ARFIP1: variants seen among roughly 807,000 people sequenced by gnomAD.
ARFIP1 encodes the protein ARF interacting protein 1.
ARFIP1 carries 24 observed loss-of-function variants against 42.5 expected under a neutral mutation model. The ratio of observed to expected loss-of-function variants is 0.57; its 90% confidence interval spans 0.41 to 0.80. The LOEUF (loss-of-function observed/expected upper bound fraction) is 0.80. Among genes scored for constraint, ARFIP1 ranks in the 30% least tolerant of loss-of-function variants. ARFIP1 has a pLI of 0.00. For missense variants in ARFIP1, 354 were observed against 434.0 expected, an observed-to-expected ratio of 0.82 and a Z score of 1.64; for synonymous variants, 141 against 153.7, an observed-to-expected ratio of 0.92 and a Z score of 0.61.
chr4:152,867,014 G>C (rs1311961425), intron 3 of ARFIP1, among the ~76,000 whole-genome samples: 1 of 150,712 alleles, frequency 6.6e-6, no homozygotes, highest in Non-Finnish European at 1.5e-5. Context: ...TTTCCAGACT[G>C]GGCAGCCAGG....
chr4:152,892,753 G>C (rs1013127925), intron 8 of ARFIP1, among the ~76,000 whole-genome samples: 4 of 152,138 alleles, frequency 2.6e-5, no homozygotes, highest in African/African-American at 9.7e-5. Context: ...TGTTCTACTA[G>C]TTATAGTTCG....
At chr4:152,803,628 G>A (rs1041482538) in intron 1 of ARFIP1, among the ~76,000 whole-genome samples, 5 of 151,962 alleles carry the variant, frequency 3.3e-5, no homozygotes, top group Non-Finnish European at 7.4e-5. Flanking sequence ...ATTTTTGGGC[G>A]GTTGATGCCA....
At chr4:152,888,068 C>T in intron 7 of ARFIP1, 65 bp from the exon 8 acceptor site, 2 of 1,350,050 alleles carry the variant, frequency 1.5e-6, no homozygotes, top group Non-Finnish European at 2.0e-6. Context: ...TACGTATTTC[C>T]AACCCATTTT....
intron 6 of ARFIP1, 113 bp from the exon 7 acceptor site, chr4:152,882,610 C>T: frequency 9.8e-7 from 1 of 1,017,934 alleles, no homozygotes; most frequent in Non-Finnish European, 1.4e-6. Flanking sequence ...AAAACTGCTA[C>T]AGCTAGATCT....
Position 152,888,268 on chromosome 4 carries a change from T to C in ARFIP1, c.927T>C (p.Asn309=). ...AHKEKYDKMR[N]DVSVKLKFLE... ...AGGAAAAATATGATAAAATGCGCAA[T>C]GATGTTTCTGTCAAATTGAAATTTC... Residue 309 remains asparagine, a synonymous_variant, in exon 8 of 9, where the codon AAT becomes AAC. Transcript: ENST00000353617. The C allele has an allele frequency of 1.9e-6, 3 of 1,607,998 alleles. No homozygotes were observed. Among genetic ancestry groups the C allele is most frequent in the South Asian group, 1.1e-5 (1 of 90,026 alleles).
intron 1 of ARFIP1, among the ~76,000 whole-genome samples, chr4:152,781,352 C>T (rs545305951): frequency 2.0e-4 from 30 of 150,578 alleles, no homozygotes; most frequent in African/African-American, 6.8e-4. Context: ...TCTCCTGTCT[C>T]AGCCTTCTGA....
chr4:152,863,413 C>T (rs1734042481), intron 2 of ARFIP1, among the ~76,000 whole-genome samples, 193 bp from the exon 3 acceptor site: 1 of 152,108 alleles, frequency 6.6e-6, no homozygotes, highest in Non-Finnish European at 1.5e-5. Flanking sequence ...TACACAATAC[C>T]ACTTAATACA....
intron 1 of ARFIP1, among the ~76,000 whole-genome samples, chr4:152,793,138 A>G (rs1264683974): frequency 6.6e-6 from 1 of 151,948 alleles, no homozygotes; most frequent in Non-Finnish European, 1.5e-5. Context: ...AAACAGCATA[A>G]ATTATATAGG....
chr4:152,903,642 TG>T (rs1470539072), intron 8 of ARFIP1, among the ~76,000 whole-genome samples: 2 of 152,212 alleles, frequency 1.3e-5, no homozygotes, highest in Non-Finnish European at 2.9e-5. Flanking sequence ...CTTGTGTATA[TG>T]GGTATTGTAT....
At chr4:152,783,956 G>A (rs1038150928) in intron 1 of ARFIP1, among the ~76,000 whole-genome samples, 2 of 152,026 alleles carry the variant, frequency 1.3e-5, no homozygotes, top group African/African-American at 2.4e-5. Context: ...ATATGAGGAG[G>A]GGAAAATGTG....
chr4:152,855,453 G>A (rs914696117), intron 2 of ARFIP1, among the ~76,000 whole-genome samples: 1 of 152,144 alleles, frequency 6.6e-6, no homozygotes, highest in Non-Finnish European at 1.5e-5. Context: ...AGTGACTGGC[G>A]GCAGCCTAGG....
intron 2 of ARFIP1, among the ~76,000 whole-genome samples, chr4:152,855,448 C>T (rs1712024327): frequency 6.6e-6 from 1 of 152,168 alleles, no homozygotes; most frequent in African/African-American, 2.4e-5. Context: ...CCTTTAGTGA[C>T]TGGCGGCAGC....
intron 1 of ARFIP1, among the ~76,000 whole-genome samples, chr4:152,802,112 AAC>A (rs140511849): frequency 0.015 from 2,311 of 152,292 alleles, 60 homozygotes; most frequent in African/African-American, 0.053. Flanking sequence ...AAATTCCAAA[AAC>A]TATTTGAATT....
At chr4:152,839,164 G>A (rs1731874633) in intron 2 of ARFIP1, among the ~76,000 whole-genome samples, 1 of 152,048 alleles carries the variant, frequency 6.6e-6, no homozygotes, top group South Asian at 2.1e-4. Flanking sequence ...ATTTTGATAT[G>A]TTGTTGAATT....
Position 152,910,153 on chromosome 4 carries a change from T to TA in ARFIP1, c.1059dup (p.Gln354ThrfsTer18), listed in dbSNP as rs767338910. The TA allele has an allele frequency of 1.2e-6, 2 of 1,614,154 alleles. No homozygotes were observed. The highest frequency in any genetic ancestry group is 2.7e-5 in the African/African-American group (2 of 75,048). On this transcript the variant is annotated frameshift_variant, in exon 9 of 9. Transcript: ENST00000353617. LOFTEE classifies it high-confidence loss of function. ...ATCAGAAGCAGCTTGAACAGACACT[T>TA]AAACAGTTCCATATCAAATTGAAAA...
At chr4:152,786,269 T>A (rs1360973177) in intron 1 of ARFIP1, among the ~76,000 whole-genome samples, 4 of 152,236 alleles carry the variant, frequency 2.6e-5, no homozygotes, top group Non-Finnish European at 5.9e-5. Flanking sequence ...CTTGTTGACA[T>A]CCTTTCTTGA....
chr4:152,895,313 ACTGATGCATAATTAGCAC>A (rs1737217069), intron 8 of ARFIP1, among the ~76,000 whole-genome samples: 1 of 152,182 alleles, frequency 6.6e-6, no homozygotes, highest in African/African-American at 2.4e-5. Context: ...AGTAACACAG[ACTGATGCATAATTAGCAC>A]CTTTCACATT....
rs1735200061 is a variant in ARFIP1, at chr4:152,874,932, G to A, written c.411+2368G>A. Among the ~76,000 whole-genome samples, 3 of 152,150 alleles carry A rather than the reference G, an allele frequency of 2.0e-5. 1 individual carries two copies. The South Asian group carries it at 6.2e-4, about 32-fold the overall frequency. ...CCCACCTCAGCCTCCCAAAGTGCAG[G>A]GACTTACAGGTGTTGAGCCACCAAG... is the stretch of plus-strand genomic sequence containing the variant. On this transcript the variant is annotated intron_variant, in intron 5 of 8. Coordinates refer to ENST00000353617, the MANE Select transcript of ARFIP1 (RefSeq NM_001025595.3).
intron 5 of ARFIP1, among the ~76,000 whole-genome samples, chr4:152,878,958 C>G (rs1180629401): frequency 6.6e-6 from 1 of 152,152 alleles, no homozygotes; most frequent in Non-Finnish European, 1.5e-5. Context: ...AGTGATGTAT[C>G]TATCTCCTTT....
Sources: allele counts gnomAD v4.1 joint callset (sites outside exome capture counted in the v4.1 genomes callset), GRCh38; gene constraint gnomAD v4.1.1; transcripts MANE v1.5; gene names NCBI Gene and HGNC (gene_info 2026-07-23, HGNC 2026-07-21).